Variants in DDAH1 observed in about 807,000 individuals in gnomAD.
DDAH1 encodes the protein N(G),N(G)-dimethylarginine dimethylaminohydrolase 1.
A neutral mutation model predicts 28.8 loss-of-function variants in DDAH1; 19 were observed. The observed-to-expected ratio is 0.66, with a 90% CI of 0.46 to 0.97. The LOEUF (loss-of-function observed/expected upper bound fraction) is 0.97. Among genes scored for constraint, DDAH1 ranks in the 50% least tolerant of loss-of-function variants. DDAH1 has a pLI of 0.00. For missense variants in DDAH1, 326 were observed against 375.9 expected (o/e 0.87, Z 1.10); for synonymous variants, 153 against 154.4 (o/e 0.99, Z 0.07).
chr1:85,562,078 A>G (rs1375481320), intron 1 of DDAH1, among the ~76,000 whole-genome samples: 1 of 152,218 alleles, frequency 6.6e-6, no homozygotes, highest in East Asian at 1.9e-4. Flanking sequence ...AGATAGCATC[A>G]TAGCAGCTAA....
At chr1:85,521,149 G>A (rs1242216287) in intron 1 of DDAH1, among the ~76,000 whole-genome samples, 1 of 151,928 alleles carries the variant, frequency 6.6e-6, no homozygotes, top group Non-Finnish European at 1.5e-5. Flanking sequence ...TTTAATGTCC[G>A]GCTATTCATC....
intron 1 of DDAH1, among the ~76,000 whole-genome samples, chr1:85,452,175 G>C (rs1431504694): frequency 6.6e-6 from 1 of 152,136 alleles, no homozygotes. Context: ...CAGCCCATTT[G>C]CTCAATGGAA....
At chr1:85,513,224 A>G (rs79815402) in intron 1 of DDAH1, among the ~76,000 whole-genome samples, 2,884 of 152,326 alleles carry the variant, frequency 0.019, 54 homozygotes, top group East Asian at 0.079. Context: ...GATATTTGAC[A>G]AACCTGACAA....
chr1:85,441,708 C>T (rs963492107), intron 1 of DDAH1, among the ~76,000 whole-genome samples: 6 of 152,276 alleles, frequency 3.9e-5, no homozygotes, highest in South Asian at 2.1e-4. Context: ...CAGCTATCAG[C>T]AAGTGACTAC....
intron 4 of DDAH1, among the ~76,000 whole-genome samples, chr1:85,328,187 G>T (rs1557463937): frequency 6.6e-6 from 1 of 152,182 alleles, no homozygotes; most frequent in Non-Finnish European, 1.5e-5. Flanking sequence ...TAACTCAAAT[G>T]ACTCTGGATG....
chr1:85,512,455 T>C (rs1657279411), intron 1 of DDAH1, among the ~76,000 whole-genome samples: 1 of 152,138 alleles, frequency 6.6e-6, no homozygotes, highest in African/African-American at 2.4e-5. Context: ...AGGGATGCCC[T>C]CTCTCACCAC....
chr1:85,464,911 C>T lies in DDAH1; in HGVS notation c.135G>A (p.Arg45=). 6.4e-7 allele frequency: 1 copy of T among 1,560,882 alleles called. No homozygotes were observed. Residue 45 remains arginine (R), a synonymous_variant, in exon 1 of 6, where the codon CGG becomes CGA. Coordinates refer to ENST00000284031, the MANE Select transcript of DDAH1 (RefSeq NM_012137.4). This position sits in a 1 kb window ranked among gnomAD's most constrained non-coding sequence, Gnocchi z 4.4. The part of the protein sequence containing the change: ...GEEVDVARAE[R]QHQLYVGVLG... ...GCACGCCCACGTAGAGCTGGTGCTG[C>T]CGTTCCGCGCGGGCGACGTCCACCT...
intron 1 of DDAH1, among the ~76,000 whole-genome samples, chr1:85,539,872 T>C (rs1269252094): frequency 6.6e-6 from 1 of 151,362 alleles, no homozygotes; most frequent in East Asian, 1.9e-4. Flanking sequence ...CAACTCTCTT[T>C]CTATAAAAAT....
intron 1 of DDAH1, among the ~76,000 whole-genome samples, chr1:85,392,781 G>A (rs1337436197): frequency 8.8e-6 from 1 of 113,836 alleles, no homozygotes; most frequent in Non-Finnish European, 1.7e-5. Flanking sequence ...AACAGAGCAA[G>A]ACTCTGTCTA....
intron 1 of DDAH1, among the ~76,000 whole-genome samples, chr1:85,428,723 G>A (rs566869185): frequency 6.6e-6 from 1 of 152,212 alleles, no homozygotes; most frequent in Admixed American, 6.5e-5. Context: ...ATAGCCAGCA[G>A]CATGCCTGTT....
chr1:85,435,500 G>A (rs1653892237), intron 1 of DDAH1, among the ~76,000 whole-genome samples: 1 of 152,196 alleles, frequency 6.6e-6, no homozygotes, highest in Non-Finnish European at 1.5e-5. Context: ...TCCTAGTGGA[G>A]CTTACATGCT....
rs1019040459 is a variant in DDAH1, at chr1:85,319,393, T to C, written c.*2059A>G. On this transcript the variant is annotated 3_prime_UTR_variant, in exon 6 of 6. Transcript: ENST00000284031. ...CTATTTGCTTGCAATTGATTAAACATAATAGAGAAGAGTTCTTTGATTTGG... is the reference window on the plus strand; with the variant it reads ...CTATTTGCTTGCAATTGATTAAACACAATAGAGAAGAGTTCTTTGATTTGG... 1.1e-4 allele frequency: 16 copies of C among 152,200 alleles called. No homozygotes were observed. The highest frequency in any genetic ancestry group is 2.1e-4 in the South Asian group (1 of 4,834). The allele number at this position is 152,200 out of a possible 1,614,324, so 9.4% of individuals were successfully genotyped here. A position where few individuals can be genotyped will look rare whatever the true frequency, so the allele number is the denominator to read the frequency against.
At chr1:85,405,330 G>T (rs1358334269) in intron 1 of DDAH1, among the ~76,000 whole-genome samples, 5 of 152,150 alleles carry the variant, frequency 3.3e-5, no homozygotes, top group African/African-American at 1.2e-4. Context: ...CTGAGGAAAA[G>T]ATCTTGTTTT....
intron 1 of DDAH1, among the ~76,000 whole-genome samples, chr1:85,389,279 A>G (rs1376031984): frequency 2.6e-5 from 4 of 152,202 alleles, no homozygotes; most frequent in Non-Finnish European, 5.9e-5. Context: ...AAAAATAAAA[A>G]TAAAAGTTGT....
intron 1 of DDAH1, among the ~76,000 whole-genome samples, chr1:85,567,052 GAAGAGTC>G: frequency 6.6e-6 from 1 of 152,208 alleles, no homozygotes; most frequent in Non-Finnish European, 1.5e-5. Flanking sequence ...ACCTCATACA[GAAGAGTC>G]AGTCTTATTG....
At chr1:85,325,365 G>GCA (rs1557459310) in intron 4 of DDAH1, among the ~76,000 whole-genome samples, 2 of 151,838 alleles carry the variant, frequency 1.3e-5, no homozygotes, top group South Asian at 2.1e-4. Context: ...GCGCGCGCGC[G>GCA]CGCACACACA....
chr1:85,482,532 G>A (rs538037918), intron 2 of DDAH1: 8 of 152,298 alleles, frequency 5.3e-5, no homozygotes, highest in South Asian at 4.1e-4. Flanking sequence ...TGCCTGTAAC[G>A]AAACAGTGAA....
chr1:85,457,590 T>C (rs527587691), intron 1 of DDAH1, among the ~76,000 whole-genome samples: 31 of 152,252 alleles, frequency 2.0e-4, no homozygotes, highest in African/African-American at 7.5e-4. Context: ...CCCTTTACTA[T>C]CAAAAGCAGT....
chr1:85,355,433 A>G (rs1176620453), intron 2 of DDAH1, among the ~76,000 whole-genome samples: 2 of 152,208 alleles, frequency 1.3e-5, no homozygotes, highest in Non-Finnish European at 2.9e-5. Flanking sequence ...CAAAAATAAT[A>G]GTCATAACAA....
Sources: gnomAD v4.1 joint callset for allele counts (sites outside exome capture counted in the v4.1 genomes callset) on GRCh38, gnomAD v4.1.1 for gene constraint, Gnocchi (gnomAD v3.1) non-coding constraint, MANE v1.5 for transcripts, NCBI Gene and HGNC (gene_info 2026-07-23, HGNC 2026-07-21) for gene names.